Variants in OPHN1 observed in about 807,000 individuals in gnomAD.
The protein encoded by OPHN1 is oligophrenin 1, also known as oligophrenin-1.
OPHN1 carries 11 observed loss-of-function variants against 60.7 expected under a neutral mutation model. The ratio of observed to expected loss-of-function variants is 0.18; its 90% CI spans 0.11 to 0.30. OPHN1 has a LOEUF of 0.30. Ranked by LOEUF, OPHN1 falls within the 10% of genes least tolerant of loss-of-function variation. The pLI is 1.00. For missense variants in OPHN1, 449 were observed against 611.0 expected (o/e 0.73, Z 2.80); for synonymous variants, 226 against 222.6 (o/e 1.02, Z -0.14).
intron 5 of OPHN1, among the ~76,000 whole-genome samples, chrX:68,235,215 G>A (rs924173542): frequency 1.8e-5 from 2 of 112,189 alleles, no homozygotes; most frequent in African/African-American, 6.5e-5. Context: ...CTCTTCTCGA[G>A]TATGAAATTT....
chrX:68,357,658 G>A (rs2078448888), intron 2 of OPHN1, among the ~76,000 whole-genome samples: 1 of 110,849 alleles, frequency 9.0e-6, no homozygotes, highest in East Asian at 2.8e-4. Flanking sequence ...ATCATTGTTG[G>A]ACATGTGGGT....
intron 5 of OPHN1, among the ~76,000 whole-genome samples, chrX:68,241,870 G>A (rs1602264612): frequency 9.0e-6 from 1 of 111,268 alleles, no homozygotes; most frequent in East Asian, 2.8e-4. Context: ...GCAGTGAGCC[G>A]AGATCGCGTC....
At chrX:68,206,088 G>A (rs2077558390) in intron 10 of OPHN1, among the ~76,000 whole-genome samples, 1 of 109,052 alleles carries the variant, frequency 9.2e-6, no homozygotes, top group South Asian at 4.0e-4. Flanking sequence ...ATTTTCAGGA[G>A]TGAGAGAAGG....
At position 68,105,663 on chromosome X, in the gene OPHN1, G is replaced by T. The variant is rs111715078; in HGVS notation, c.1526+6191C>A. On this transcript the variant is annotated intron_variant, in intron 18 of 24. Coordinates refer to ENST00000355520, the MANE Select transcript of OPHN1 (RefSeq NM_002547.3). ...CACACACTGGGGCCTGTCGGGGGGT[G>T]GGGGGCTAGGGGATGGACAGCATTA... 8.4e-3 allele frequency among the ~76,000 whole-genome samples: 891 copies of T among 105,994 alleles called. 13 individuals carry two copies. Among genetic ancestry groups the T allele is most frequent in the African/African-American group, 0.029 (842 of 28,826 alleles). The allele number at this position is 105,994 out of a possible 115,157, so 92.0% of individuals were successfully genotyped here.
rs1290068779 is a variant in OPHN1, at chrX:68,402,346, AAGGAGG to A, written c.154+30515_154+30520del. Among the ~76,000 whole-genome samples, 154 of 105,068 alleles carry A rather than the reference AAGGAGG, an allele frequency of 1.5e-3. 1 individual carries two copies. Among genetic ancestry groups the A allele is most frequent in the African/African-American group, 4.9e-3 (144 of 29,439 alleles). The allele number at this position is 105,068 out of a possible 115,157, so 91.2% of individuals were successfully genotyped here. ...GAGAAGGAAGAAGAAAAAGAAGAAG[AAGGAGG>A]AGAAGGAGAAGGAGAAGAAGAAGAA... is the stretch of plus-strand genomic sequence containing the variant. On this transcript the variant is annotated intron_variant, in intron 2 of 24. Coordinates refer to ENST00000355520, the MANE Select transcript of OPHN1 (RefSeq NM_002547.3).
chrX:68,224,203 T>G (rs1031190487), intron 6 of OPHN1, among the ~76,000 whole-genome samples: 2 of 111,789 alleles, frequency 1.8e-5, no homozygotes, highest in Admixed American at 1.9e-4. Flanking sequence ...TTCTGGGACA[T>G]AAAATACACC....
intron 15 of OPHN1, among the ~76,000 whole-genome samples, chrX:68,186,825 A>G (rs970802248): frequency 3.6e-5 from 4 of 110,978 alleles, no homozygotes; most frequent in Non-Finnish European, 7.5e-5. Context: ...TTATAAGGGT[A>G]TTTATCCCAT....
At chrX:68,370,068 C>T (rs1327283198) in intron 2 of OPHN1, among the ~76,000 whole-genome samples, 1 of 89,216 alleles carries the variant, frequency 1.1e-5, no homozygotes, top group Admixed American at 1.3e-4. Flanking sequence ...AAGAATTCTG[C>T]ATCTGGCAAA....
In OPHN1 at chrX:68,045,722, T is replaced by C. The variant is rs1051924156; in HGVS notation, c.*1450A>G. 6 of 111,913 alleles carry C rather than the reference T, an allele frequency of 5.4e-5. No individual in the cohort carries two copies. The highest frequency in any genetic ancestry group is 3.8e-4 in the Admixed American group (4 of 10,561). The allele number at this position is 111,913 out of a possible 1,213,427, so 9.2% of individuals were successfully genotyped here. ...CCAATTTTTAGGTCCTTTCCAATAA[T>C]AGAGATAGCAAATGAAAGGGACCTG... On this transcript the variant is annotated 3_prime_UTR_variant, in exon 25 of 25. Coordinates refer to ENST00000355520, the MANE Select transcript of OPHN1 (RefSeq NM_002547.3).
chrX:68,110,564 G>C (rs1426459989), intron 18 of OPHN1, among the ~76,000 whole-genome samples: 1 of 111,668 alleles, frequency 9.0e-6, no homozygotes, highest in Non-Finnish European at 1.9e-5. Flanking sequence ...ACTTTCTCTA[G>C]GTCACACAGC....
At position 68,269,347 on chromosome X, in the gene OPHN1, G is replaced by C. The variant is rs191727949; in HGVS notation, c.384+5391C>G. Among the ~76,000 whole-genome samples the C allele has an allele frequency of 7.1e-3, 794 of 111,412 alleles. 2 individuals carry two copies. The highest frequency in any genetic ancestry group is 0.012 in the Non-Finnish European group (620 of 53,050). On this transcript the variant is annotated intron_variant, in intron 5 of 24. Coordinates refer to ENST00000355520, the MANE Select transcript of OPHN1 (RefSeq NM_002547.3). ...ACCTGACTTCAAACTATACTACAAG[G>C]CTTCAGTAACCAAAACAGCATGGTA...
intron 2 of OPHN1, among the ~76,000 whole-genome samples, chrX:68,416,619 A>G (rs1301693713): frequency 8.9e-6 from 1 of 111,909 alleles, no homozygotes; most frequent in Non-Finnish European, 1.9e-5. Flanking sequence ...CACTTTGCCC[A>G]TTCAAACAGG....
intron 19 of OPHN1, among the ~76,000 whole-genome samples, chrX:68,089,642 C>T (rs1418720418): frequency 9.0e-6 from 1 of 111,588 alleles, no homozygotes; most frequent in Non-Finnish European, 1.9e-5. Flanking sequence ...ATATTTTCAC[C>T]TCATTCTGAA....
At chrX:68,097,387 T>C (rs2077042023) in intron 18 of OPHN1, among the ~76,000 whole-genome samples, 1 of 110,917 alleles carries the variant, frequency 9.0e-6, no homozygotes, top group African/African-American at 3.3e-5. Flanking sequence ...GTATAAAGCA[T>C]GTACAAAGAA....
intron 20 of OPHN1, among the ~76,000 whole-genome samples, chrX:68,072,188 A>T (rs1252454277): frequency 1.8e-5 from 2 of 112,424 alleles, no homozygotes; most frequent in South Asian, 7.4e-4. Context: ...TGTTTTGCAC[A>T]GTGTAAACTG....
intron 15 of OPHN1, among the ~76,000 whole-genome samples, chrX:68,164,165 G>A (rs1405356103): frequency 9.0e-6 from 1 of 111,243 alleles, no homozygotes; most frequent in African/African-American, 3.3e-5. Context: ...CTAGCCAAAA[G>A]CACTCATAGT....
At chrX:68,225,008 G>A (rs1477202028) in intron 6 of OPHN1, among the ~76,000 whole-genome samples, 2 of 111,986 alleles carry the variant, frequency 1.8e-5, no homozygotes, top group African/African-American at 3.2e-5. Context: ...CTGGAAAATC[G>A]GGACACTCCC....
At chrX:68,429,487 G>T (rs767668275) in intron 2 of OPHN1, among the ~76,000 whole-genome samples, 23 of 110,861 alleles carry the variant, frequency 2.1e-4, no homozygotes, top group Non-Finnish European at 4.0e-4. Flanking sequence ...ACTTTGAGAG[G>T]CCGTGGTGGG....
intron 2 of OPHN1, among the ~76,000 whole-genome samples, chrX:68,321,312 T>C (rs2078234157): frequency 1.8e-5 from 2 of 112,008 alleles, no homozygotes; most frequent in Non-Finnish European, 3.8e-5. Flanking sequence ...AGGAGTTGTA[T>C]GTCAGGAAAC....
Sources: gnomAD v4.1 joint callset for allele counts (sites outside exome capture counted in the v4.1 genomes callset) on GRCh38, gnomAD v4.1.1 for gene constraint, MANE v1.5 for transcripts, NCBI Gene and HGNC (gene_info 2026-07-23, HGNC 2026-07-21) for gene names.